NLGN1: variants seen among roughly 807,000 people sequenced by gnomAD.
NLGN1 encodes neuroligin-1.
NLGN1 carries 12 observed loss-of-function variants against 65.5 expected under a neutral mutation model. The ratio of observed to expected loss-of-function variants is 0.18; its 90% CI spans 0.12 to 0.30. The LOEUF is 0.30. Ranked by LOEUF, NLGN1 falls within the 10% of genes least tolerant of loss-of-function variation. The probability of loss-of-function intolerance (pLI) is 1.00; values close to 1 mark genes in which losing one functional copy is unlikely to be tolerated. For missense variants in NLGN1, 750 were observed against 1,007.1 expected (o/e 0.74, Z 3.46); for synonymous variants, 350 against 359.5 (o/e 0.97, Z 0.30).
At chr3:173,781,898 A>C (rs1560358377) in intron 3 of NLGN1, among the ~76,000 whole-genome samples, 1 of 152,236 alleles carries the variant, frequency 6.6e-6, no homozygotes, top group Non-Finnish European at 1.5e-5. Context: ...TATATGCCTC[A>C]GTCACGGAAA....
intron 2 of NLGN1, among the ~76,000 whole-genome samples, chr3:173,544,548 AC>A (rs1296357046): frequency 6.6e-6 from 1 of 152,134 alleles, no homozygotes; most frequent in African/African-American, 2.4e-5. Flanking sequence ...AAATGAGACT[AC>A]AAGGAAAGGA....
At chr3:174,171,968 A>G (rs775633656) in intron 4 of NLGN1, among the ~76,000 whole-genome samples, 4 of 152,088 alleles carry the variant, frequency 2.6e-5, no homozygotes, top group Non-Finnish European at 4.4e-5. Context: ...ATATTTACTT[A>G]CTGAGACCCA....
intron 4 of NLGN1, among the ~76,000 whole-genome samples, chr3:173,935,622 A>ACTCTCT (rs72137673): frequency 1.8e-4 from 19 of 108,072 alleles, no homozygotes; most frequent in African/African-American, 6.0e-4. Flanking sequence ...ACACACACAC[A>ACTCTCT]CTCTCTCTCT....
intron 1 of NLGN1, among the ~76,000 whole-genome samples, chr3:173,409,147 C>T (rs1454848970): frequency 6.6e-6 from 1 of 151,998 alleles, no homozygotes; most frequent in Non-Finnish European, 1.5e-5. Context: ...GGTATAATCA[C>T]TGGAAATGGA....
chr3:174,147,389 A>T (rs1723490827), intron 4 of NLGN1, among the ~76,000 whole-genome samples: 1 of 147,838 alleles, frequency 6.8e-6, no homozygotes, highest in Non-Finnish European at 1.5e-5. Flanking sequence ...AGGGGAATGA[A>T]AATCTGAATT....
chr3:174,024,893 T>A lies in NLGN1; in HGVS notation c.646+217061T>A, dbSNP rs928958290. ...CACTTTAAATCTTTAAAATAGAAAGTAAACACATTCAGTTTTATCAGCATT... is the reference window on the plus strand; with the variant it reads ...CACTTTAAATCTTTAAAATAGAAAGAAAACACATTCAGTTTTATCAGCATT... On this transcript the variant is annotated intron_variant, in intron 4 of 6. Transcript: ENST00000457714. Among the ~76,000 whole-genome samples, 7 of 152,208 alleles carry A rather than the reference T, an allele frequency of 4.6e-5. No individual in the cohort carries two copies. The South Asian group carries it at 1.4e-3, about 31-fold the overall frequency.
intron 4 of NLGN1, among the ~76,000 whole-genome samples, chr3:174,001,259 G>A (rs376771959): frequency 6.6e-6 from 1 of 151,794 alleles, no homozygotes; most frequent in East Asian, 1.9e-4. Flanking sequence ...TTGCAAGACA[G>A]ACTAAACACT....
chr3:173,920,195 T>TAACC (rs1741704916), intron 4 of NLGN1, among the ~76,000 whole-genome samples: 1 of 152,018 alleles, frequency 6.6e-6, no homozygotes, highest in Non-Finnish European at 1.5e-5. Flanking sequence ...TTATCTCTTA[T>TAACC]GGTTATCAAG....
At chr3:173,724,785 A>G (rs905546550) in intron 3 of NLGN1, among the ~76,000 whole-genome samples, 4 of 152,172 alleles carry the variant, frequency 2.6e-5, no homozygotes, top group African/African-American at 9.7e-5. Flanking sequence ...AACCAACCCA[A>G]ATGTCCATCA....
At chr3:173,882,855 A>G (rs1382464197) in intron 4 of NLGN1, among the ~76,000 whole-genome samples, 1 of 151,990 alleles carries the variant, frequency 6.6e-6, no homozygotes, top group African/African-American at 2.4e-5. Context: ...CTTTCACCCT[A>G]TCTTGACTTT....
At chr3:173,414,260 TA>T (rs1004160774) in intron 1 of NLGN1, among the ~76,000 whole-genome samples, 1 of 152,046 alleles carries the variant, frequency 6.6e-6, no homozygotes, top group African/African-American at 2.4e-5. Context: ...TTGAGTGTGA[TA>T]AAGGAGATAT....
intron 2 of NLGN1, among the ~76,000 whole-genome samples, chr3:173,530,999 C>T (rs887688262): frequency 6.6e-6 from 1 of 152,010 alleles, no homozygotes; most frequent in Non-Finnish European, 1.5e-5. Context: ...ATCGTTCTTT[C>T]TTCTAAAATT....
intron 4 of NLGN1, among the ~76,000 whole-genome samples, chr3:173,997,665 G>A (rs562253213): frequency 2.0e-5 from 3 of 152,046 alleles, no homozygotes; most frequent in African/African-American, 7.2e-5. Context: ...AGTAAACAAA[G>A]GCATAGTGAG....
intron 4 of NLGN1, among the ~76,000 whole-genome samples, chr3:174,088,610 G>A (rs937898135): frequency 3.3e-5 from 5 of 151,624 alleles, no homozygotes; most frequent in Admixed American, 6.6e-5. Flanking sequence ...AAAATTAGCC[G>A]GGCGCGGTGG....
chr3:173,447,854 C>G (rs1382445390), intron 2 of NLGN1, among the ~76,000 whole-genome samples: 2 of 152,140 alleles, frequency 1.3e-5, no homozygotes, highest in Non-Finnish European at 1.5e-5. Context: ...TGATTTGGCT[C>G]TCTGTTTGTC....
At chr3:173,418,713 A>G (rs1714304089) in intron 1 of NLGN1, among the ~76,000 whole-genome samples, 1 of 152,166 alleles carries the variant, frequency 6.6e-6, no homozygotes, top group Admixed American at 6.6e-5. Context: ...GATCTTTGTT[A>G]CTGTTTCTTT....
intron 4 of NLGN1, among the ~76,000 whole-genome samples, chr3:173,823,995 A>G (rs76437835): frequency 0.022 from 3,334 of 151,412 alleles, 153 homozygotes; most frequent in African/African-American, 0.077. Context: ...TTCCTTTTAC[A>G]TTTTGTTTTC....
chr3:173,551,507 T>C (rs1305864750), intron 2 of NLGN1, among the ~76,000 whole-genome samples: 4 of 152,226 alleles, frequency 2.6e-5, no homozygotes, highest in Non-Finnish European at 4.4e-5. Flanking sequence ...GTTAATGATC[T>C]CTGAGCCTAA....
At chr3:173,914,689 G>A (rs1460211680) in intron 4 of NLGN1, among the ~76,000 whole-genome samples, 1 of 152,114 alleles carries the variant, frequency 6.6e-6, no homozygotes, top group Non-Finnish European at 1.5e-5. Context: ...AAGGCACAGG[G>A]ACACTGAAAC....
Sources: allele counts gnomAD v4.1 joint callset (sites outside exome capture counted in the v4.1 genomes callset), GRCh38; gene constraint gnomAD v4.1.1; transcripts MANE v1.5; gene names NCBI Gene and HGNC (gene_info 2026-07-23, HGNC 2026-07-21).